The following KLF12 variants were observed in gnomAD, a reference collection of about 807,000 sequenced individuals.
KLF12 encodes KLF transcription factor 12.
A neutral mutation model predicts 37.8 loss-of-function variants in KLF12; 9 were observed. That is an observed-to-expected ratio of 0.24 (90% CI 0.14 to 0.42). The LOEUF is 0.42. Among genes scored for constraint, KLF12 ranks in the 10% least tolerant of loss-of-function variants. KLF12 has a pLI of 1.00. For synonymous variants in KLF12, 208 were observed against 202.1 expected (o/e 1.03, Z -0.25); for missense variants, 411 against 516.0 (o/e 0.80, Z 1.97).
intron 1 of KLF12, among the ~76,000 whole-genome samples, chr13:74,005,896 G>A (rs1892398413): frequency 6.6e-6 from 1 of 152,116 alleles, no homozygotes; most frequent in Admixed American, 6.5e-5. Context: ...TTCATAAGAT[G>A]CTTTATACTA....
At chr13:74,259,500 A>C in the KLF12 span, 1 of 152,076 alleles carries the variant, frequency 6.6e-6, no homozygotes, top group South Asian at 2.1e-4. Context: ...TCACTAATCC[A>C]TGTCCCTCCC....
At chr13:73,737,193 G>A (rs956854123) in intron 6 of KLF12, among the ~76,000 whole-genome samples, 9 of 152,136 alleles carry the variant, frequency 5.9e-5, no homozygotes, top group Non-Finnish European at 1.0e-4. Context: ...TATTAAATGT[G>A]TTATTGGCAA....
chr13:73,930,148 C>T (rs1346778109), intron 3 of KLF12, among the ~76,000 whole-genome samples: 1 of 152,182 alleles, frequency 6.6e-6, no homozygotes, highest in East Asian at 1.9e-4. Flanking sequence ...AATAGCAAGA[C>T]ATTGTTTAGG....
intron 5 of KLF12, among the ~76,000 whole-genome samples, chr13:73,785,118 A>T (rs925244540): frequency 1.5e-4 from 22 of 145,946 alleles, no homozygotes; most frequent in African/African-American, 4.6e-4. Context: ...TAATTATCTA[A>T]TTTTTTTTTT....
the KLF12 span, among the ~76,000 whole-genome samples, chr13:74,243,791 C>T: frequency 1.3e-5 from 2 of 152,012 alleles, no homozygotes; most frequent in Non-Finnish European, 2.9e-5. Flanking sequence ...TTTTGAAATG[C>T]AGTTAAGGGT....
In KLF12 at chr13:74,021,343, T is replaced by C. The variant is rs183546272; in HGVS notation, c.-31-26290A>G. Among the ~76,000 whole-genome samples the C allele has an allele frequency of 1.3e-3, 204 of 152,260 alleles. 3 individuals are homozygous for C. The East Asian group carries it at 0.029, about 21-fold the overall frequency. ...AATAAATCCTATTTCATTAATTCTA[T>C]GTTAGTCTAGGGCAGTAAGGGTCCT... On this transcript the variant is annotated intron_variant, in intron 1 of 7. Coordinates refer to ENST00000377669, the MANE Select transcript of KLF12 (RefSeq NM_007249.5).
intron 3 of KLF12, among the ~76,000 whole-genome samples, chr13:73,880,106 T>G (rs1392048342): frequency 6.6e-6 from 1 of 152,108 alleles, no homozygotes; most frequent in Non-Finnish European, 1.5e-5. Flanking sequence ...AAGCCACCTC[T>G]AATAAGATGC....
At chr13:73,996,521 G>A (rs991069703) in intron 1 of KLF12, among the ~76,000 whole-genome samples, 4 of 152,058 alleles carry the variant, frequency 2.6e-5, no homozygotes, top group Non-Finnish European at 2.9e-5. Context: ...CATTTAATGT[G>A]CCATAGGCAT....
intron 6 of KLF12, among the ~76,000 whole-genome samples, chr13:73,719,294 G>A (rs1876048488): frequency 6.6e-6 from 1 of 152,124 alleles, no homozygotes; most frequent in African/African-American, 2.4e-5. Flanking sequence ...CAGTCGGCGG[G>A]CACTGCAAGT....
At chr13:74,086,769 G>C (rs905083966) in intron 1 of KLF12, among the ~76,000 whole-genome samples, 5 of 152,128 alleles carry the variant, frequency 3.3e-5, no homozygotes, top group Non-Finnish European at 7.3e-5. Flanking sequence ...CTGTTGGCCA[G>C]AAGCCTCACA....
intron 4 of KLF12, among the ~76,000 whole-genome samples, chr13:73,813,884 T>C (rs1295583331): frequency 6.6e-6 from 1 of 152,204 alleles, no homozygotes; most frequent in Non-Finnish European, 1.5e-5. Flanking sequence ...AAATCTTGTT[T>C]ATATGTGCTA....
At chr13:74,063,497 T>C (rs560790426) in intron 1 of KLF12, among the ~76,000 whole-genome samples, 2 of 152,222 alleles carry the variant, frequency 1.3e-5, no homozygotes, top group Non-Finnish European at 2.9e-5. Context: ...TCCTCAAGAA[T>C]AGTATTAATA....
intron 3 of KLF12, among the ~76,000 whole-genome samples, chr13:73,864,702 T>C (rs1886089630): frequency 6.6e-6 from 1 of 152,134 alleles, no homozygotes; most frequent in South Asian, 2.1e-4. Context: ...CTGAAAGTTC[T>C]GTTCAACAGA....
intron 5 of KLF12, among the ~76,000 whole-genome samples, chr13:73,770,821 C>A (rs542277247): frequency 6.6e-6 from 1 of 152,188 alleles, no homozygotes; most frequent in South Asian, 2.1e-4. Flanking sequence ...CCATGCCCAG[C>A]CAATATGTGA....
the KLF12 span, among the ~76,000 whole-genome samples, chr13:74,218,691 A>T: frequency 6.6e-6 from 1 of 152,232 alleles, no homozygotes; most frequent in Admixed American, 6.5e-5. Flanking sequence ...ACAAAACTTC[A>T]GGGTAGGCTT....
intron 5 of KLF12, 92 bp downstream of exon 5, chr13:73,813,060 T>G: frequency 7.2e-7 from 1 of 1,385,838 alleles, no homozygotes; most frequent in Non-Finnish European, 1.0e-6. Flanking sequence ...ACAGCTAGAA[T>G]GACATGGCTG....
At chr13:74,128,612 G>A (rs1189366404) in intron 1 of KLF12, among the ~76,000 whole-genome samples, 1 of 152,186 alleles carries the variant, frequency 6.6e-6, no homozygotes, top group African/African-American at 2.4e-5. Flanking sequence ...ACTGAAATTA[G>A]TTGTGATTCA....
In KLF12 at chr13:73,734,983, A is replaced by G. The variant is rs559329976; in HGVS notation, c.870-19458T>C. ...AGGCCACAGAGAATTATATCCCACA[A>G]TCTCTCCCTTAAGGACCATGCTGGC... On this transcript the variant is annotated intron_variant, in intron 6 of 7. Coordinates refer to ENST00000377669, the MANE Select transcript of KLF12 (RefSeq NM_007249.5). Among the ~76,000 whole-genome samples the G allele has an allele frequency of 2.6e-5, 4 of 151,980 alleles. No individual in the cohort carries two copies. In the East Asian group the frequency reaches 7.8e-4, roughly 30 times the overall value.
intron 1 of KLF12, among the ~76,000 whole-genome samples, chr13:74,010,634 T>C (rs1892528131): frequency 6.6e-6 from 1 of 152,188 alleles, no homozygotes; most frequent in African/African-American, 2.4e-5. Flanking sequence ...TTTTTCTTAT[T>C]TATAAGTACT....
Sources: gnomAD v4.1 joint callset for allele counts (sites outside exome capture counted in the v4.1 genomes callset) on GRCh38, gnomAD v4.1.1 for gene constraint, MANE v1.5 for transcripts, NCBI Gene and HGNC (gene_info 2026-07-23, HGNC 2026-07-21) for gene names.